Variants in SLC9B1 observed in about 807,000 individuals in gnomAD.
SLC9B1 encodes the protein solute carrier family 9 member B1.
Under a neutral mutation model 51.7 loss-of-function variants are expected in SLC9B1, and 32 were observed. The observed-to-expected ratio is 0.62, with a 90% CI of 0.47 to 0.83. The LOEUF (loss-of-function observed/expected upper bound fraction) is 0.83. SLC9B1 is among the 40% of genes least tolerant of loss of function. The pLI is 0.00. For synonymous variants in SLC9B1, 145 were observed against 212.7 expected, an observed-to-expected ratio of 0.68 and a Z score of 2.77; for missense variants, 406 against 613.2, an observed-to-expected ratio of 0.66 and a Z score of 3.57.
At chr4:102,959,669 G>A (rs560377526) in intron 3 of SLC9B1, among the ~76,000 whole-genome samples, 77 of 152,252 alleles carry the variant, frequency 5.1e-4, no homozygotes, top group South Asian at 2.7e-3. Flanking sequence ...TGAGCGGATC[G>A]CTGACAGGAA....
chr4:102,938,817 C>A (rs1202987997), intron 6 of SLC9B1, among the ~76,000 whole-genome samples: 2 of 152,096 alleles, frequency 1.3e-5, no homozygotes, highest in African/African-American at 4.8e-5. Context: ...CCAATAAATT[C>A]TTTATAACTA....
intron 9 of SLC9B1, among the ~76,000 whole-genome samples, chr4:102,909,401 A>C (rs1181517056): frequency 6.6e-6 from 1 of 152,040 alleles, no homozygotes; most frequent in East Asian, 1.9e-4. Flanking sequence ...TCAGGAGTTT[A>C]AGACCTGCCT....
At chr4:102,910,816 T>C (rs1481208038) in intron 8 of SLC9B1, among the ~76,000 whole-genome samples, 2 of 152,162 alleles carry the variant, frequency 1.3e-5, no homozygotes, top group Non-Finnish European at 2.9e-5. Flanking sequence ...CTGATACTAG[T>C]ATCAGTAATA....
At chr4:102,918,883 A>AT (rs1490847573) in intron 7 of SLC9B1, among the ~76,000 whole-genome samples, 2 of 152,204 alleles carry the variant, frequency 1.3e-5, no homozygotes, top group South Asian at 2.1e-4. Flanking sequence ...TTGAACAGAC[A>AT]TTTTTTCCAA....
At chr4:102,886,552 A>G (rs1361894450) in intron 11 of SLC9B1, among the ~76,000 whole-genome samples, 9 of 152,074 alleles carry the variant, frequency 5.9e-5, no homozygotes, top group Admixed American at 3.3e-4. Flanking sequence ...CCAAACTGTT[A>G]ATTATTATTA....
chr4:102,944,060 C>T (rs28611147), intron 6 of SLC9B1, among the ~76,000 whole-genome samples: 18,144 of 151,954 alleles, frequency 0.12, 1,154 homozygotes, highest in Admixed American at 0.16. Context: ...CAAGAAAGAA[C>T]GAGATCATGT....
chr4:102,975,565 C>CATATATAT (rs749203965), intron 3 of SLC9B1, among the ~76,000 whole-genome samples: 3 of 99,614 alleles, frequency 3.0e-5, no homozygotes, highest in African/African-American at 1.2e-4. Flanking sequence ...ATTATATATA[C>CATATATAT]ATATATATAT....
intron 7 of SLC9B1, among the ~76,000 whole-genome samples, chr4:102,926,943 C>A (rs1214306172): frequency 1.3e-5 from 2 of 152,120 alleles, no homozygotes; most frequent in African/African-American, 4.8e-5. Context: ...AGAAATAAGA[C>A]CACACATCTA....
chr4:103,004,354 T>A (rs1461442840), intron 1 of SLC9B1, among the ~76,000 whole-genome samples: 3 of 152,106 alleles, frequency 2.0e-5, no homozygotes, highest in Non-Finnish European at 4.4e-5. Context: ...TTGAAGACCA[T>A]TTCTTTGAAA....
chr4:102,956,217 C>T (rs190910498), intron 3 of SLC9B1, among the ~76,000 whole-genome samples: 14 of 151,964 alleles, frequency 9.2e-5, no homozygotes, highest in Admixed American at 9.2e-4. Flanking sequence ...GAAGTTTGTG[C>T]CTGGTATCCT....
At chr4:102,956,959 T>C (rs931144669) in intron 3 of SLC9B1, among the ~76,000 whole-genome samples, 5 of 152,098 alleles carry the variant, frequency 3.3e-5, no homozygotes, top group African/African-American at 1.2e-4. Context: ...TGCTGTCTAA[T>C]AGAGAACATG....
At chr4:102,919,688 A>C (rs1735765605) in intron 7 of SLC9B1, among the ~76,000 whole-genome samples, 1 of 152,340 alleles carries the variant, frequency 6.6e-6, no homozygotes, top group African/African-American at 2.4e-5. Context: ...CTGGAAAAAC[A>C]GGGCACTCCT....
intron 4 of SLC9B1, 55 bp from the exon 5 acceptor site, chr4:102,946,844 C>G: frequency 1.4e-6 from 2 of 1,481,394 alleles, no homozygotes; most frequent in Non-Finnish European, 1.8e-6. Context: ...AGAAAGAAAA[C>G]GGAAATGTTT....
At chr4:102,975,173 A>T (rs1363457432) in intron 3 of SLC9B1, among the ~76,000 whole-genome samples, 14 of 151,954 alleles carry the variant, frequency 9.2e-5, no homozygotes, top group African/African-American at 2.9e-4. Context: ...AGCTAATTTT[A>T]AAAAAGTTTT....
At chr4:102,916,440 C>A (rs1735580532) in intron 7 of SLC9B1, among the ~76,000 whole-genome samples, 1 of 152,126 alleles carries the variant, frequency 6.6e-6, no homozygotes, top group South Asian at 2.1e-4. Context: ...ATGAAGCCAA[C>A]ATAGACAGAA....
chr4:102,896,252 C>G (rs35158924), downstream of SLC9B1, among the ~76,000 whole-genome samples: 20 of 152,136 alleles, frequency 1.3e-4, no homozygotes, highest in Non-Finnish European at 2.5e-4. Flanking sequence ...TGGTGGCCCC[C>G]TTGCCTCAAT....
At chr4:102,901,440 A>G (rs1448813409) in intron 11 of SLC9B1, 108 bp from the exon 12 acceptor site, 2 of 1,101,140 alleles carry the variant, frequency 1.8e-6, no homozygotes, top group Non-Finnish European at 2.5e-6. Context: ...AGACTATTAG[A>G]AAAAAAAAGT....
intron 3 of SLC9B1, among the ~76,000 whole-genome samples, chr4:102,960,657 T>C (rs1246649745): frequency 6.6e-6 from 1 of 152,112 alleles, no homozygotes; most frequent in African/African-American, 2.4e-5. Context: ...TGGTAAGATA[T>C]GAGTTTAGAG....
chr4:102,907,686 T>G (rs1417589068), intron 9 of SLC9B1, among the ~76,000 whole-genome samples: 1 of 152,242 alleles, frequency 6.6e-6, no homozygotes, highest in African/African-American at 2.4e-5. Context: ...TAACATTTTT[T>G]TTTTTAAACA....
Sources: gnomAD v4.1 joint callset for allele counts (sites outside exome capture counted in the v4.1 genomes callset) on GRCh38, gnomAD v4.1.1 for gene constraint, MANE v1.5 for transcripts, NCBI Gene and HGNC (gene_info 2026-07-23, HGNC 2026-07-21) for gene names.